Variants in PHF20 observed in about 807,000 individuals in gnomAD.
PHF20 encodes glioma-expressed antigen 2.
A neutral mutation model predicts 113.5 loss-of-function variants in PHF20; 23 were observed. That is an observed-to-expected ratio of 0.20 (90% CI 0.15 to 0.29). PHF20 has a LOEUF of 0.29. Ranked by LOEUF, PHF20 falls within the 10% of genes least tolerant of loss-of-function variation. The pLI is 1.00. For missense variants in PHF20, 943 were observed against 1,219.6 expected, an observed-to-expected ratio of 0.77 and a Z score of 3.38; for synonymous variants, 434 against 457.3, an observed-to-expected ratio of 0.95 and a Z score of 0.65.
In PHF20 at chr20:35,819,710, CAT is replaced by C. The variant is rs562172414; in HGVS notation, c.83+18106_83+18107del. ...CAATCTTTTCTGAGCTTTCCACAAA[CAT>C]GTATTGAATGCTGTGAGTCAGGTGG... On this transcript the variant is annotated intron_variant, in intron 2 of 17. Coordinates refer to ENST00000374012, the MANE Select transcript of PHF20 (RefSeq NM_016436.5). Among the ~76,000 whole-genome samples the C allele has an allele frequency of 7.2e-4, 110 of 151,762 alleles. 1 individual carries two copies. Among genetic ancestry groups the C allele is most frequent in the African/African-American group, 2.6e-3 (106 of 41,352 alleles).
At chr20:35,898,490 C>T (rs1239632819) in intron 9 of PHF20, among the ~76,000 whole-genome samples, 1 of 152,148 alleles carries the variant, frequency 6.6e-6, no homozygotes, top group Non-Finnish European at 1.5e-5. Context: ...GGGTGGAGCA[C>T]AGTGGCATGA....
At chr20:35,898,579 T>A (rs1179911270) in intron 9 of PHF20, among the ~76,000 whole-genome samples, 1 of 151,996 alleles carries the variant, frequency 6.6e-6, no homozygotes, top group Non-Finnish European at 1.5e-5. Flanking sequence ...GAATTACAGA[T>A]GTGCTCCACC....
chr20:35,872,894 TG>T (rs2054448144), intron 9 of PHF20, among the ~76,000 whole-genome samples: 1 of 152,220 alleles, frequency 6.6e-6, no homozygotes, highest in Admixed American at 6.5e-5. Context: ...GTTCTGTATC[TG>T]TCAGTTAGAT....
intron 2 of PHF20, among the ~76,000 whole-genome samples, chr20:35,806,626 T>C (rs1407792180): frequency 6.6e-6 from 1 of 152,138 alleles, no homozygotes; most frequent in Admixed American, 6.6e-5. Flanking sequence ...GTACTAAGCC[T>C]CATATTTACA....
At chr20:35,829,695 T>C (rs13044029) in intron 2 of PHF20, among the ~76,000 whole-genome samples, 1 of 151,388 alleles carries the variant, frequency 6.6e-6, no homozygotes, top group East Asian at 2.0e-4. Flanking sequence ...TTTATGTTGG[T>C]CTCAAACTCC....
At chr20:35,880,131 G>GT (rs1354561595) in intron 9 of PHF20, among the ~76,000 whole-genome samples, 1 of 152,206 alleles carries the variant, frequency 6.6e-6, no homozygotes, top group Non-Finnish European at 1.5e-5. Flanking sequence ...TGGACTTAGT[G>GT]TTCATTAACT....
intron 1 of PHF20, among the ~76,000 whole-genome samples, chr20:35,786,398 A>C: frequency 6.7e-6 from 1 of 148,866 alleles, no homozygotes; most frequent in Non-Finnish European, 1.5e-5. Flanking sequence ...TCAATAAATA[A>C]ATAAATAAAT....
intron 8 of PHF20, among the ~76,000 whole-genome samples, chr20:35,871,382 C>G (rs899197820): frequency 2.6e-5 from 4 of 152,168 alleles, no homozygotes; most frequent in African/African-American, 9.7e-5. Context: ...GTACACTGTT[C>G]GAAGAGCCCT....
chr20:35,895,681 CTTTTTTTTTTTT>C (rs762279629), intron 9 of PHF20, among the ~76,000 whole-genome samples: 1 of 116,776 alleles, frequency 8.6e-6, no homozygotes, highest in East Asian at 2.3e-4. Flanking sequence ...TTTGCTTCTC[CTTTTTTTTTTTT>C]TTTTTTTTTT....
At position 35,871,148 on chromosome 20, in the gene PHF20, T is replaced by A; in HGVS notation, c.1102+14T>A. 6.3e-7 allele frequency: 1 copy of A among 1,597,882 alleles called. No homozygotes were observed. Among genetic ancestry groups the A allele is most frequent in the Non-Finnish European group, 8.5e-7 (1 of 1,175,226 alleles). On this transcript the variant is annotated intron_variant, in intron 8 of 17. Coordinates refer to ENST00000374012, the MANE Select transcript of PHF20 (RefSeq NM_016436.5). ...AATCTGAAGAAGGTGAGTCAGTCTG[T>A]TCAGGAATTGTCTTGCCAACCTGGT...
chr20:35,948,482 A>C lies in PHF20; in HGVS notation c.*855A>C, dbSNP rs1298205065. ...TCACTGTAAAGATTTGTTACAAAGA[A>C]TGTGGTTTGGGGAATTACCTTATTT... On this transcript the variant is annotated 3_prime_UTR_variant, in exon 18 of 18. Transcript: ENST00000374012. 2 of 152,660 alleles carry C rather than the reference A, an allele frequency of 1.3e-5. No individual in the cohort carries two copies. Among genetic ancestry groups the C allele is most frequent in the Non-Finnish European group, 2.9e-5 (2 of 68,046 alleles). The allele number at this position is 152,660 out of a possible 1,614,324, so 9.5% of individuals were successfully genotyped here.
chr20:35,779,624 A>G (rs997820287), intron 1 of PHF20, among the ~76,000 whole-genome samples: 1 of 151,744 alleles, frequency 6.6e-6, no homozygotes, highest in African/African-American at 2.4e-5. Flanking sequence ...GGTTCAAGCA[A>G]TTCTCCTGCC....
chr20:35,862,411 A>G (rs2054233889), intron 5 of PHF20, among the ~76,000 whole-genome samples: 1 of 152,184 alleles, frequency 6.6e-6, no homozygotes, highest in African/African-American at 2.4e-5. Context: ...TTCTTCGAAC[A>G]CCTTTGTCAG....
chr20:35,903,337 A>C (rs1341303492), intron 10 of PHF20, among the ~76,000 whole-genome samples: 1 of 152,116 alleles, frequency 6.6e-6, no homozygotes, highest in African/African-American at 2.4e-5. Flanking sequence ...TTAAATCCCT[A>C]TGCTTTAACT....
intron 15 of PHF20, among the ~76,000 whole-genome samples, chr20:35,937,244 G>A (rs748339314): frequency 1.3e-5 from 2 of 152,054 alleles, no homozygotes; most frequent in Non-Finnish European, 2.9e-5. Flanking sequence ...CGAGGTGGGC[G>A]GATCACCTGA....
chr20:35,899,579 G>C lies in PHF20; in HGVS notation c.1492G>C (p.Gly498Arg). 1.2e-6 allele frequency: 2 copies of C among 1,614,092 alleles called. No individual in the cohort carries two copies. Among genetic ancestry groups the C allele is most frequent in the Non-Finnish European group, 1.7e-6 (2 of 1,180,032 alleles). The change falls in exon 10 of 18, where the codon GGC becomes CGC. Residue 498 changes from glycine to arginine, a missense_variant. This residue lies in a region of PHF20 where 592 missense variants were observed against 787.2 expected (regional missense o/e 0.75). Coordinates refer to ENST00000374012, the MANE Select transcript of PHF20 (RefSeq NM_016436.5). ...SPGKRHVQTR[G>R]PSASDKPSQE... ...GGGAAAGAGGCATGTCCAAACCAGG[G>C]GCCCTTCAGCTTCAGACAAGCCCAG...
intron 2 of PHF20, among the ~76,000 whole-genome samples, chr20:35,835,646 G>A (rs1221240333): frequency 1.3e-5 from 2 of 151,846 alleles, no homozygotes; most frequent in Admixed American, 6.6e-5. Context: ...CAGAATAAAA[G>A]AGTCCGGGCA....
At chr20:35,858,426 A>C (rs774688335) in intron 5 of PHF20, 45 bp downstream of exon 5, 1 of 1,040,010 alleles carries the variant, frequency 9.6e-7, no homozygotes, top group Non-Finnish European at 1.5e-6. Flanking sequence ...TAATGCTAAC[A>C]TTGTAGTTTT....
chr20:35,855,907 GACCTCAAGTGATTC>G (rs1006691051), intron 4 of PHF20, among the ~76,000 whole-genome samples: 8 of 152,096 alleles, frequency 5.3e-5, no homozygotes, highest in South Asian at 4.1e-4. Flanking sequence ...TTGAACTCCT[GACCTCAAGTGATTC>G]ACCCGCCTCG....
Sources: allele counts gnomAD v4.1 joint callset (sites outside exome capture counted in the v4.1 genomes callset), GRCh38; gene constraint gnomAD v4.1.1; regional missense constraint gnomAD v4.1.1; transcripts MANE v1.5; gene names NCBI Gene and HGNC (gene_info 2026-07-23, HGNC 2026-07-21).